The following AK9 variants were observed in gnomAD, a reference collection of about 807,000 sequenced individuals.
AK9 encodes the protein adenylate kinase domain containing 1.
In AK9, 191 loss-of-function variants were observed where a neutral mutation model predicts 239.6. The ratio of observed to expected loss-of-function variants is 0.80; its 90% CI spans 0.71 to 0.90. AK9 has a LOEUF of 0.90. Among genes scored for constraint, AK9 ranks in the 40% least tolerant of loss-of-function variants. The pLI is 0.00. For synonymous variants in AK9, 689 were observed against 721.0 expected (o/e 0.96, Z 0.71); for missense variants, 1,995 against 2,214.7 (o/e 0.90, Z 1.99).
intron 10 of AK9, among the ~76,000 whole-genome samples, chr6:109,634,681 C>T (rs982241225): frequency 2.6e-5 from 4 of 152,174 alleles, no homozygotes; most frequent in Non-Finnish European, 4.4e-5. Context: ...AGGAAACTGT[C>T]AATGCTTAGG....
At chr6:109,570,627 C>A (rs9487156) in intron 21 of AK9, among the ~76,000 whole-genome samples, 88,413 of 151,746 alleles carry the variant, frequency 0.58, 27,426 homozygotes, top group East Asian at 0.84. Flanking sequence ...AGAAGGTAAA[C>A]CAGTGACATG....
At chr6:109,506,267 G>A in intron 35 of AK9, 60 bp downstream of exon 35, 2 of 1,482,786 alleles carry the variant, frequency 1.3e-6, no homozygotes, top group Non-Finnish European at 1.9e-6. Flanking sequence ...AGTAACATGA[G>A]TCAGGCATGT....
At chr6:109,535,095 A>G (rs1781801959) in intron 27 of AK9, among the ~76,000 whole-genome samples, 1 of 152,228 alleles carries the variant, frequency 6.6e-6, no homozygotes, top group African/African-American at 2.4e-5. Flanking sequence ...TAGCAGCATG[A>G]TTTATAATCC....
At chr6:109,612,350 C>T (rs544528598) in intron 15 of AK9, among the ~76,000 whole-genome samples, 1 of 152,290 alleles carries the variant, frequency 6.6e-6, no homozygotes, top group African/African-American at 2.4e-5. Context: ...AGTGCCCTTC[C>T]TGAGGCAACT....
chr6:109,592,310 T>C (rs1368739007), intron 17 of AK9, among the ~76,000 whole-genome samples: 1 of 152,160 alleles, frequency 6.6e-6, no homozygotes, highest in Non-Finnish European at 1.5e-5. Context: ...GGGTAAACAC[T>C]GCAGCTGCAA....
intron 1 of AK9, among the ~76,000 whole-genome samples, chr6:109,687,613 C>T (rs1773694826): frequency 6.6e-6 from 1 of 152,142 alleles, no homozygotes; most frequent in African/African-American, 2.4e-5. Context: ...GTCCTACAAC[C>T]ACAAAACGAT....
At chr6:109,578,201 C>T (rs183437389) in intron 20 of AK9, among the ~76,000 whole-genome samples, 8 of 151,714 alleles carry the variant, frequency 5.3e-5, no homozygotes, top group East Asian at 3.9e-4. Context: ...TCCCAAAGTG[C>T]GGGATTACAG....
At chr6:109,510,799 C>T (rs1778659522) in intron 32 of AK9, among the ~76,000 whole-genome samples, 1 of 152,136 alleles carries the variant, frequency 6.6e-6, no homozygotes, top group Admixed American at 6.5e-5. Flanking sequence ...AAGATCCAAC[C>T]CAAAGATACC....
intron 9 of AK9, 89 bp downstream of exon 9, chr6:109,644,525 A>G: frequency 9.0e-7 from 1 of 1,110,118 alleles, no homozygotes; most frequent in Non-Finnish European, 1.3e-6. Context: ...AAATATAAAT[A>G]TGCTTCTGTT....
intron 8 of AK9, among the ~76,000 whole-genome samples, chr6:109,650,106 A>T (rs975640477): frequency 6.6e-6 from 1 of 152,254 alleles, no homozygotes; most frequent in Non-Finnish European, 1.5e-5. Context: ...AAAGACTTAA[A>T]TGTTAGACCT....
In AK9 at chr6:109,506,637, T is replaced by C. The variant is rs1208251641; in HGVS notation, c.4628+17A>G. ...TAAAGTTTATTCCTTTTTTGTTGTCTTCATCATGTACATTACCTTTGTTCA... is the reference window on the plus strand; with the variant it reads ...TAAAGTTTATTCCTTTTTTGTTGTCCTCATCATGTACATTACCTTTGTTCA... On this transcript the variant is annotated intron_variant, in intron 34 of 40. Transcript: ENST00000424296. The C allele has an allele frequency of 6.5e-7, 1 of 1,534,004 alleles. No individual in the cohort carries two copies. Among genetic ancestry groups the C allele is most frequent in the East Asian group, 2.5e-5 (1 of 40,580 alleles).
intron 20 of AK9, among the ~76,000 whole-genome samples, chr6:109,577,371 T>A (rs755734331): frequency 6.6e-6 from 1 of 152,154 alleles, no homozygotes; most frequent in Non-Finnish European, 1.5e-5. Context: ...CTTTTTGACA[T>A]GCTATTGAAT....
At chr6:109,626,814 G>A (rs557276265) in intron 12 of AK9, among the ~76,000 whole-genome samples, 2 of 152,270 alleles carry the variant, frequency 1.3e-5, no homozygotes, top group South Asian at 2.1e-4. Flanking sequence ...AATGAAACTT[G>A]CAAGTCTAGA....
chr6:109,654,495 C>G (rs1370347193), intron 8 of AK9, among the ~76,000 whole-genome samples: 1 of 152,036 alleles, frequency 6.6e-6, no homozygotes, highest in African/African-American at 2.4e-5. Context: ...CCATGCCCGG[C>G]TGTTTTTTGG....
chr6:109,635,981 A>T (rs1447848966), intron 10 of AK9, among the ~76,000 whole-genome samples: 2 of 152,200 alleles, frequency 1.3e-5, no homozygotes. Flanking sequence ...AATCTCATGT[A>T]ATCTTTACAA....
intron 26 of AK9, among the ~76,000 whole-genome samples, chr6:109,544,817 G>C (rs1476711347): frequency 6.6e-6 from 1 of 152,104 alleles, no homozygotes; most frequent in East Asian, 1.9e-4. Flanking sequence ...TCTCCACTAA[G>C]GCTGGGGCAG....
chr6:109,650,602 G>A (rs1166551602), intron 8 of AK9, among the ~76,000 whole-genome samples: 1 of 152,122 alleles, frequency 6.6e-6, no homozygotes, highest in Non-Finnish European at 1.5e-5. Context: ...AGAGGATGTG[G>A]AGAAATAGGA....
intron 26 of AK9, 57 bp from the exon 27 acceptor site, chr6:109,542,228 A>G: frequency 6.8e-7 from 1 of 1,472,896 alleles, no homozygotes; most frequent in Non-Finnish European, 9.2e-7. Context: ...TAATAATTGC[A>G]TGTTCTCACT....
intron 1 of AK9, among the ~76,000 whole-genome samples, chr6:109,689,737 G>A (rs749454710): frequency 1.1e-4 from 17 of 152,116 alleles, no homozygotes; most frequent in Non-Finnish European, 2.4e-4. Flanking sequence ...ATCTGATTCC[G>A]GGTGAAATAA....
Sources: allele counts gnomAD v4.1 joint callset (sites outside exome capture counted in the v4.1 genomes callset), GRCh38; gene constraint gnomAD v4.1.1; transcripts MANE v1.5; gene names NCBI Gene and HGNC (gene_info 2026-07-23, HGNC 2026-07-21).